PSMG2: variants seen among roughly 807,000 people sequenced by gnomAD.
PSMG2 encodes proteasome assembly chaperone 2.
PSMG2 carries 21 observed loss-of-function variants against 31.5 expected under a neutral mutation model. The ratio of observed to expected loss-of-function variants is 0.67; its 90% confidence interval spans 0.47 to 0.96. The LOEUF (loss-of-function observed/expected upper bound fraction) is 0.96, where lower values mean the gene tolerates loss of function less well. PSMG2 is among the 40% of genes least tolerant of loss of function. The probability of loss-of-function intolerance (pLI) is 0.00; values close to 1 mark genes in which losing one functional copy is unlikely to be tolerated. For synonymous variants in PSMG2, 120 were observed against 110.4 expected, an observed-to-expected ratio of 1.09 and a Z score of -0.54; for missense variants, 318 against 321.2, an observed-to-expected ratio of 0.99 and a Z score of 0.08.
At chr18:12,661,190 C>T (rs2038689607) in intron 1 of PSMG2, among the ~76,000 whole-genome samples, 1 of 152,122 alleles carries the variant, frequency 6.6e-6, no homozygotes, top group African/African-American at 2.4e-5. Flanking sequence ...CACCTGTAAT[C>T]CCAGCTACTC....
chr18:12,697,817 C>T (rs1015080434), intron 1 of PSMG2, among the ~76,000 whole-genome samples: 1 of 149,674 alleles, frequency 6.7e-6, no homozygotes, highest in Non-Finnish European at 1.5e-5. Context: ...CTGAAAAATA[C>T]AGCACATCGA....
rs1450430969 is a variant in PSMG2 at position 12,692,690 on chromosome 18, TCCTG to T, written c.-36-13858_-36-13855del. ...ATTTTGTTTGCTGACTTATTGTTTC[TCCTG>T]CACTAGAATCTAAACTCCTTGAGAG... On this transcript the variant is annotated intron_variant, in intron 1 of 6. Coordinates refer to the PSMG2 transcript ENST00000585331. Among the ~76,000 whole-genome samples, 12 of 152,366 alleles carry T rather than the reference TCCTG, an allele frequency of 7.9e-5. 1 individual carries two copies. The South Asian group carries it at 2.5e-3, about 32-fold the overall frequency.
At chr18:12,685,053 T>C (rs1476529972) in intron 1 of PSMG2, 1 of 151,876 alleles carries the variant, frequency 6.6e-6, no homozygotes, top group Non-Finnish European at 1.5e-5. Context: ...CAGGCTGGAG[T>C]GCAATGGCGC....
intron 1 of PSMG2, among the ~76,000 whole-genome samples, chr18:12,697,880 GA>G (rs1041286424): frequency 4.6e-5 from 7 of 151,920 alleles, no homozygotes; most frequent in African/African-American, 1.7e-4. Context: ...CTTTCAAAGG[GA>G]AAAAAATAAA....
At chr18:12,702,487 T>C, upstream of PSMG2, 2 of 1,608,036 alleles carry the variant, frequency 1.2e-6, no homozygotes, top group South Asian at 1.1e-5. Flanking sequence ...GACTCTCACC[T>C]TGCTCAGCTG....
intron 2 of PSMG2, among the ~76,000 whole-genome samples, chr18:12,711,067 T>C (rs1387159429): frequency 6.6e-6 from 1 of 152,072 alleles, no homozygotes; most frequent in African/African-American, 2.4e-5. Flanking sequence ...ACCATTGTAC[T>C]CCAGTCTGGG....
intron 1 of PSMG2, among the ~76,000 whole-genome samples, chr18:12,665,469 A>G (rs988342384): frequency 4.6e-5 from 7 of 152,106 alleles, no homozygotes; most frequent in Non-Finnish European, 1.0e-4. Context: ...CATCTTTTGT[A>G]TAAAGAGCCA....
chr18:12,724,684 T>A, intron 6 of PSMG2, 65 bp downstream of exon 6: 1 of 1,452,792 alleles, frequency 6.9e-7, no homozygotes, highest in East Asian at 2.5e-5. Context: ...GCACTTTATA[T>A]ACTACCTAAG....
rs149546781 is a variant in PSMG2, at chr18:12,717,192, G to A, written c.289-1325G>A. ...TTTAACTCCTGGGCTCAAGTAGTCT[G>A]CCCACCACGGCCTCCCAAAGTGTTG... On this transcript the variant is annotated intron_variant, in intron 3 of 6. Transcript: ENST00000317615. Among the ~76,000 whole-genome samples the A allele has an allele frequency of 3.9e-3, 586 of 151,240 alleles. 3 individuals carry two copies. Among genetic ancestry groups the A allele is most frequent in the African/African-American group, 0.014 (560 of 41,186 alleles).
chr18:12,703,691 G>A (rs2040227238), intron 1 of PSMG2, among the ~76,000 whole-genome samples: 1 of 152,142 alleles, frequency 6.6e-6, no homozygotes, highest in South Asian at 2.1e-4. Flanking sequence ...ACTGTAGTTG[G>A]AAACATGTAA....
chr18:12,708,619 C>G (rs2040293780), intron 2 of PSMG2, among the ~76,000 whole-genome samples: 2 of 151,832 alleles, frequency 1.3e-5, no homozygotes, highest in African/African-American at 4.8e-5. Flanking sequence ...CTGTCTTGGC[C>G]TCCTAAAGTG....
In PSMG2 at chr18:12,691,119, C is replaced by T. The variant is rs756337558; in HGVS notation, c.-36-15431C>T. The T allele has an allele frequency of 1.1e-5, 4 of 364,298 alleles. No homozygotes were observed. The Admixed American group carries it at 1.3e-4, about 12-fold the overall frequency. 22.6% of individuals were successfully genotyped at this position (364,298 alleles called of 1,614,324 possible). On this transcript the variant is annotated intron_variant, in intron 1 of 6. Coordinates refer to the PSMG2 transcript ENST00000585331. ...GTTTAAAACACAATAATTGATTCAA[C>T]CTGAGAAAGGTGATTTTTCAAAAAC...
chr18:12,667,749 A>AGACTCTTTC (rs1223168679), intron 1 of PSMG2, among the ~76,000 whole-genome samples: 1 of 146,208 alleles, frequency 6.8e-6, no homozygotes, highest in Non-Finnish European at 1.5e-5. Context: ...TGACAGAGCA[A>AGACTCTTTC]GACTCTTTCT....
chr18:12,724,674 G>A lies in PSMG2; in HGVS notation c.702+55G>A, dbSNP rs766842146. The A allele has an allele frequency of 2.4e-5, 35 of 1,487,092 alleles. No individual in the cohort carries two copies. In the Admixed American group the frequency reaches 3.4e-4, roughly 15 times the overall value. The allele number at this position is 1,487,092 out of a possible 1,614,324, so 92.1% of individuals were successfully genotyped here. ...TTTGTCTGGTTGTATTCATTAACTC[G>A]CACTTTATATACTACCTAAGTAGAC... On this transcript the variant is annotated intron_variant, in intron 6 of 6. Coordinates refer to ENST00000317615, the MANE Select transcript of PSMG2 (RefSeq NM_020232.5).
At chr18:12,686,112 T>C (rs1267085102) in intron 1 of PSMG2, 1 of 505,794 alleles carries the variant, frequency 2.0e-6, no homozygotes, top group Non-Finnish European at 3.4e-6. Context: ...ATTTTTGATC[T>C]GCAGTTGGTT....
intron 1 of PSMG2, chr18:12,674,758 G>A (rs1199115704): frequency 6.4e-7 from 1 of 1,572,662 alleles, no homozygotes; most frequent in Non-Finnish European, 8.6e-7. Flanking sequence ...AAGATCCTAT[G>A]AGCAATCAAG....
intron 1 of PSMG2, chr18:12,674,496 CTCCTAAACTGAAAAAATGAT>C: frequency 1.4e-6 from 2 of 1,447,504 alleles, no homozygotes; most frequent in Non-Finnish European, 1.9e-6. Context: ...ATCTGTAAGA[CTCCTAAACTGAAAAAATGAT>C]TCCGTAAATT....
chr18:12,713,120 A>G (rs928635496), intron 3 of PSMG2, among the ~76,000 whole-genome samples: 4 of 152,162 alleles, frequency 2.6e-5, no homozygotes, highest in Non-Finnish European at 4.4e-5. Context: ...AATATTCTGA[A>G]TCCGACTTCT....
chr18:12,694,788 T>C (rs1314980153), intron 1 of PSMG2, among the ~76,000 whole-genome samples: 1 of 151,756 alleles, frequency 6.6e-6, no homozygotes, highest in African/African-American at 2.4e-5. Context: ...CTGGGCTCAC[T>C]GCAAGCTCCT....
Sources: gnomAD v4.1 joint callset for allele counts (sites outside exome capture counted in the v4.1 genomes callset) on GRCh38, gnomAD v4.1.1 for gene constraint, MANE v1.5 for transcripts, NCBI Gene and HGNC (gene_info 2026-07-23, HGNC 2026-07-21) for gene names.